SCARF2: variants seen among roughly 807,000 people sequenced by gnomAD.
The protein encoded by SCARF2 is scavenger receptor expressed by endothelial cells 2 protein.
SCARF2 carries 39 observed loss-of-function variants against 73.4 expected under a neutral mutation model. The ratio of observed to expected loss-of-function variants is 0.53; its 90% CI spans 0.41 to 0.69. The LOEUF (loss-of-function observed/expected upper bound fraction) is 0.69. Ranked by LOEUF, SCARF2 falls within the 30% of genes least tolerant of loss-of-function variation. SCARF2 has a pLI of 0.00. For missense variants in SCARF2, 1,148 were observed against 1,303.5 expected (o/e 0.88, Z 1.84); for synonymous variants, 605 against 590.0 (o/e 1.03, Z -0.37).
chr22:20,431,812 G>C lies in SCARF2; in HGVS notation c.267C>G (p.Asn89Lys). ...ACTCGCCAGGCCTCACGCACACCTC[G>C]TTCTCTGAGCACGTGGAGTTGCCTT... Reference protein sequence around the residue: ...VCEGNSTCSENEVCVRPGECR... With the variant: ...VCEGNSTCSEKEVCVRPGECR... Residue 89 changes from asparagine to lysine, a missense_variant, in exon 3 of 11, where the codon AAC becomes AAG. Physicochemically the swap from Asn to Lys is moderately conservative, Grantham distance 94 (BLOSUM62 0). Coordinates refer to ENST00000622235, the MANE Select transcript of SCARF2 (RefSeq NM_182895.5). The C allele has an allele frequency of 6.3e-7, 1 of 1,598,764 alleles. No individual in the cohort carries two copies. Among genetic ancestry groups the C allele is most frequent in the Admixed American group, 1.7e-5 (1 of 57,874 alleles).
chr22:20,433,692 A>ACAATAAAACT (rs2052670473), intron 1 of SCARF2, among the ~76,000 whole-genome samples: 4 of 152,202 alleles, frequency 2.6e-5, no homozygotes, highest in Non-Finnish European at 5.9e-5. Context: ...TGTATTTTCC[A>ACAATAAAACT]CAATAAAACT....
At position 20,431,168 on chromosome 22, in the gene SCARF2, G is replaced by A. The variant is rs773735072; in HGVS notation, c.704C>T (p.Thr235Met). 5 of 1,565,468 alleles carry A rather than the reference G, an allele frequency of 3.2e-6. No homozygotes were observed. The highest frequency in any genetic ancestry group is 1.2e-5 in the South Asian group (1 of 86,724). Reference protein sequence around the residue: ...QSGRCQCRERTFGARCDRYCQ... With the variant: ...QSGRCQCRERMFGARCDRYCQ... ...GTAGCGATCGCAGCGCGCGCCGAAC[G>A]TACGCTCGCGGCACTGACAGCGGCC... The change falls in exon 4 of 11, where the codon ACG becomes ATG. Residue 235 changes from threonine (T) to methionine (M), a missense_variant. Coordinates refer to ENST00000622235, the MANE Select transcript of SCARF2 (RefSeq NM_182895.5).
At chr22:20,428,600 G>A (rs1348016359) in intron 9 of SCARF2, among the ~76,000 whole-genome samples, 1 of 152,086 alleles carries the variant, frequency 6.6e-6, no homozygotes, top group Non-Finnish European at 1.5e-5. Context: ...CACCATGCCC[G>A]GCTTGGCTAA....
chr22:20,434,469 G>C (rs915917203), intron 1 of SCARF2, among the ~76,000 whole-genome samples: 1 of 152,220 alleles, frequency 6.6e-6, no homozygotes, highest in African/African-American at 2.4e-5. Context: ...GGGCACCCAG[G>C]CCTAACCCCA....
rs1370875395 is a variant in SCARF2 at position 20,425,610 on chromosome 22, C to T, written c.2366G>A (p.Gly789Asp). The change falls in exon 11 of 11, where the codon GGC becomes GAC. Residue 789 changes from glycine to aspartate, a missense_variant. By Grantham distance (94) the Gly-to-Asp change is moderately conservative. Transcript: ENST00000622235. The surrounding 1 kb of genome is among the most constrained non-coding windows in gnomAD (Gnocchi z 4.6). The part of the protein sequence containing the change: ...RSLGRAEVAL[G>D]AQGPREKPAP... ...CGGCTTTTCCCTGGGGCCCTGCGCG[C>T]CCAGGGCCACCTCGGCGCGGCCCAG... The T allele has an allele frequency of 7.5e-6, 10 of 1,326,512 alleles. No individual in the cohort carries two copies. The highest frequency in any genetic ancestry group is 8.6e-6 in the Non-Finnish European group (9 of 1,040,950). 82.2% of individuals were successfully genotyped at this position (1,326,512 alleles called of 1,614,324 possible).
In SCARF2 at chr22:20,426,124, G is replaced by A. The variant is rs1040319582; in HGVS notation, c.1852C>T (p.Pro618Ser). The A allele has an allele frequency of 2.0e-6, 3 of 1,468,796 alleles. No homozygotes were observed. The highest frequency in any genetic ancestry group is 2.5e-5 in the Admixed American group (1 of 40,354). The allele number at this position is 1,468,796 out of a possible 1,614,324, so 91.0% of individuals were successfully genotyped here. The part of the protein sequence containing the change: ...SERSASSVEG[P>S]GGALYARVAR... Reference sequence around the variant, plus strand: ...ACGCGCGCGTACAGAGCCCCTCCGGGCCCCTCCACGCTGGACGCCGACCGC... The same window carrying A: ...ACGCGCGCGTACAGAGCCCCTCCGGACCCCTCCACGCTGGACGCCGACCGC... The change falls in exon 11 of 11, where the codon CCC (proline) becomes TCC (serine). Residue 618 changes from proline (P) to serine (S), a missense_variant. Physicochemically the swap from Pro to Ser is moderately conservative, Grantham distance 74. This residue lies in a region of SCARF2 where 437 missense variants were observed against 433.6 expected (regional missense o/e 1.01). Transcript: ENST00000622235.
At chr22:20,434,411 G>C (rs1019682188) in intron 1 of SCARF2, among the ~76,000 whole-genome samples, 1 of 152,246 alleles carries the variant, frequency 6.6e-6, no homozygotes, top group Non-Finnish European at 1.5e-5. Flanking sequence ...AGGATCCTGA[G>C]CACAGGCTGC....
chr22:20,434,422 A>G (rs2052677847), intron 1 of SCARF2, among the ~76,000 whole-genome samples: 1 of 152,258 alleles, frequency 6.6e-6, no homozygotes, highest in Non-Finnish European at 1.5e-5. Context: ...CACAGGCTGC[A>G]GTGCCTCTGA....
intron 9 of SCARF2, among the ~76,000 whole-genome samples, chr22:20,428,714 T>C (rs2052607891): frequency 6.6e-6 from 1 of 152,124 alleles, no homozygotes; most frequent in African/African-American, 2.4e-5. Flanking sequence ...TCCACCCAGG[T>C]GCAAGTCAGC....
chr22:20,425,608 C>T lies in SCARF2; in HGVS notation c.2368G>A (p.Ala790Thr), dbSNP rs2052564627. Reference protein sequence around the residue: ...SLGRAEVALGAQGPREKPAPP... With the variant: ...SLGRAEVALGTQGPREKPAPP... ...GCCGGCTTTTCCCTGGGGCCCTGCG[C>T]GCCCAGGGCCACCTCGGCGCGGCCC... Residue 790 changes from alanine (A) to threonine (T), a missense_variant, in exon 11 of 11, where the codon GCG (alanine) becomes ACG (threonine). Coordinates refer to ENST00000622235, the MANE Select transcript of SCARF2 (RefSeq NM_182895.5). The surrounding 1 kb of genome is among the most constrained non-coding windows in gnomAD (Gnocchi z 4.6). 2 of 1,327,220 alleles carry T rather than the reference C, an allele frequency of 1.5e-6. No homozygotes were observed. Among genetic ancestry groups the T allele is most frequent in the Non-Finnish European group, 1.9e-6 (2 of 1,041,324 alleles). 82.2% of individuals were successfully genotyped at this position (1,327,220 alleles called of 1,614,324 possible). A position where few individuals can be genotyped will look rare whatever the true frequency, so the allele number is the denominator to read the frequency against.
rs1410390236 is a variant in SCARF2, at chr22:20,427,530, T to C, written c.1561A>G (p.Asn521Asp). ...TCCAGGAAGCTGCAGTTGAGTGTGT[T>C]ATCCAGGTCGTGGTGGGCCACTGGG... ...KVVVAHHDLD[N>D]TLNCSFLEPP... Residue 521 changes from asparagine to aspartate, a missense_variant, in exon 10 of 11, where the codon AAC becomes GAC. Asn to Asp is a conservative substitution (Grantham distance 23). Around this residue, in one of 5 missense-constraint regions of SCARF2, gnomAD observed 437 missense variants for 433.6 expected, o/e 1.01. Coordinates refer to ENST00000622235, the MANE Select transcript of SCARF2 (RefSeq NM_182895.5). 2 of 1,613,410 alleles carry C rather than the reference T, an allele frequency of 1.2e-6. No individual in the cohort carries two copies. The highest frequency in any genetic ancestry group is 1.7e-6 in the Non-Finnish European group (2 of 1,179,996).
In SCARF2 at chr22:20,429,452, C is replaced by A. The variant is rs2052616935; in HGVS notation, c.1424+84G>T. 8 of 1,575,826 alleles carry A rather than the reference C, an allele frequency of 5.1e-6. No homozygotes were observed. The highest frequency in any genetic ancestry group is 6.9e-6 in the Non-Finnish European group (8 of 1,163,064). On this transcript the variant is annotated intron_variant, in intron 8 of 10. Coordinates refer to ENST00000622235, the MANE Select transcript of SCARF2 (RefSeq NM_182895.5). The surrounding 1 kb of genome is among the most constrained non-coding windows in gnomAD (Gnocchi z 5.2). Reference sequence around the variant, plus strand: ...GGCGGGGCCACGTCCGGGGCAGGGGCGCGGAAGGGTTGGATCTGGGTCCGG... The same window carrying A: ...GGCGGGGCCACGTCCGGGGCAGGGGAGCGGAAGGGTTGGATCTGGGTCCGG...
In SCARF2 at chr22:20,431,738, C is replaced by A. The variant is rs1303643934; in HGVS notation, c.334+7G>T. On this transcript the variant is annotated splice_region_variant and intron_variant, in intron 3 of 10. Transcript: ENST00000622235. ...ACCGACCAATACCGGCCCGACCCCA[C>A]GCTCACTGGTGTCGCAGTTGGCACC... 10 of 1,565,046 alleles carry A rather than the reference C, an allele frequency of 6.4e-6. No individual in the cohort carries two copies. Among genetic ancestry groups the A allele is most frequent in the Non-Finnish European group, 8.7e-6 (10 of 1,155,108 alleles).
chr22:20,430,716 G>T lies in SCARF2; in HGVS notation c.1047C>A (p.Arg349=). The T allele has an allele frequency of 6.2e-7, 1 of 1,605,382 alleles. No homozygotes were observed. Residue 349 remains arginine (R), a synonymous_variant, in exon 5 of 11, where the codon CGC becomes CGA. Coordinates refer to ENST00000622235, the MANE Select transcript of SCARF2 (RefSeq NM_182895.5). ...ACNHVTGKCT[R]CNAGWIGDRC... Reference sequence around the variant, plus strand: ...GGTCGCCGATCCAGCCCGCGTTGCAGCGCGTACACTTGCCGGTGACATGGT... The same window carrying T: ...GGTCGCCGATCCAGCCCGCGTTGCATCGCGTACACTTGCCGGTGACATGGT...
chr22:20,427,597 C>T (rs1229260324), intron 9 of SCARF2, 47 bp from the exon 10 acceptor site: 1 of 1,605,518 alleles, frequency 6.2e-7, no homozygotes, highest in Non-Finnish European at 8.5e-7. Context: ...TCTGCCCCAG[C>T]CGGTGCCCTC....
chr22:20,429,694 C>G lies in SCARF2; in HGVS notation c.1306+36G>C. 1 of 1,613,976 alleles carries G rather than the reference C, an allele frequency of 6.2e-7. No individual in the cohort carries two copies. The highest frequency in any genetic ancestry group is 8.5e-7 in the Non-Finnish European group (1 of 1,179,892). ...GGGTCAGCGCGGTTTCTGGCACCCC[C>G]TGCATTCCTTAACGGGACGCCCCTC... On this transcript the variant is annotated intron_variant, in intron 7 of 10. Transcript: ENST00000622235. The surrounding 1 kb of genome is among the most constrained non-coding windows in gnomAD (Gnocchi z 5.2).
chr22:20,429,394 G>C lies in SCARF2; in HGVS notation c.1425-54C>G. ...CGGGGCCGGGGCGGGGCCCAGGGGC[G>C]ATTAGATCTCGGCCGGAGCCAAGCA... On this transcript the variant is annotated intron_variant, in intron 8 of 10. Coordinates refer to ENST00000622235, the MANE Select transcript of SCARF2 (RefSeq NM_182895.5). The surrounding 1 kb of genome is among the most constrained non-coding windows in gnomAD (Gnocchi z 5.2). The C allele has an allele frequency of 1.3e-6, 2 of 1,559,470 alleles. No individual in the cohort carries two copies. Among genetic ancestry groups the C allele is most frequent in the Admixed American group, 1.9e-5 (1 of 53,440 alleles).
At position 20,429,763 on chromosome 22, in the gene SCARF2, T is replaced by A. The variant is rs2241230; in HGVS notation, c.1273A>T (p.Thr425Ser). The A allele has an allele frequency of 0.097, 156,375 of 1,613,572 alleles. 14,112 individuals carry two copies. Among genetic ancestry groups the A allele is most frequent in the East Asian group, 0.48 (21,628 of 44,844 alleles). ...CAGGCACCAGTGACCGGGTCGCACG[T>A]GTCCTCGTGGCAGCTGCAGGCCTGA... Reference protein sequence around the residue: ...CAQACSCHEDTCDPVTGACHL... With the variant: ...CAQACSCHEDSCDPVTGACHL... The change falls in exon 7 of 11, where the codon ACG becomes TCG. Residue 425 changes from threonine (T) to serine (S), a missense_variant. Around this residue, in one of 5 missense-constraint regions of SCARF2, gnomAD observed 372 missense variants for 532.0 expected, o/e 0.70. Coordinates refer to ENST00000622235, the MANE Select transcript of SCARF2 (RefSeq NM_182895.5). The surrounding 1 kb of genome is among the most constrained non-coding windows in gnomAD (Gnocchi z 5.2).
At position 20,425,214 on chromosome 22, in the gene SCARF2, C is replaced by G; in HGVS notation, c.*161G>C. On this transcript the variant is annotated 3_prime_UTR_variant, in exon 11 of 11. Transcript: ENST00000622235. This position sits in a 1 kb window ranked among gnomAD's most constrained non-coding sequence, Gnocchi z 4.6. ...TCCCGCCAGAGCACACTGCTCCAATCCAGGAGCGGCTGCAGGACCTGAGCC... is the reference window on the plus strand; with the variant it reads ...TCCCGCCAGAGCACACTGCTCCAATGCAGGAGCGGCTGCAGGACCTGAGCC... 1.9e-6 allele frequency: 1 copy of G among 539,356 alleles called. No individual in the cohort carries two copies. Among genetic ancestry groups the G allele is most frequent in the Non-Finnish European group, 2.9e-6 (1 of 348,484 alleles). 33.4% of individuals were successfully genotyped at this position (539,356 alleles called of 1,614,324 possible).
Sources: gnomAD v4.1 joint callset for allele counts (sites outside exome capture counted in the v4.1 genomes callset) on GRCh38, gnomAD v4.1.1 for gene constraint, gnomAD v4.1.1 regional missense constraint, Gnocchi (gnomAD v3.1) non-coding constraint, MANE v1.5 for transcripts, NCBI Gene and HGNC (gene_info 2026-07-23, HGNC 2026-07-21) for gene names.